Variants in TIMP3 observed in about 807,000 individuals in gnomAD.
TIMP3 encodes TIMP metallopeptidase inhibitor 3.
In TIMP3, 11 loss-of-function variants were observed where a neutral mutation model predicts 30.0. The observed-to-expected ratio is 0.37, with a 90% CI of 0.23 to 0.61. The LOEUF is 0.61. Ranked by LOEUF, TIMP3 falls within the 20% of genes least tolerant of loss-of-function variation. The pLI is 0.70. For synonymous variants in TIMP3, 112 were observed against 111.3 expected (o/e 1.01, Z -0.04); for missense variants, 181 against 276.8 (o/e 0.65, Z 2.45).
At chr22:32,838,916 G>T (rs907416454) in intron 1 of TIMP3, among the ~76,000 whole-genome samples, 1 of 151,768 alleles carries the variant, frequency 6.6e-6, no homozygotes, top group Non-Finnish European at 1.5e-5. Context: ...GCTAGTGAGT[G>T]TCCAAGGAAC....
At chr22:32,855,328 G>GGGCACACACTGTGCCTCTGAAGGA (rs1202937844) in intron 2 of TIMP3, among the ~76,000 whole-genome samples, 4 of 152,184 alleles carry the variant, frequency 2.6e-5, no homozygotes, top group Non-Finnish European at 5.9e-5. Flanking sequence ...CAGTGACTCT[G>GGGCACACACTGTGCCTCTGAAGGA]GGCACACACT....
intron 1 of TIMP3, among the ~76,000 whole-genome samples, chr22:32,844,845 A>G (rs1310607304): frequency 6.6e-6 from 1 of 151,818 alleles, no homozygotes; most frequent in Non-Finnish European, 1.5e-5. Context: ...TGAGTAGCTG[A>G]GACTACAGAT....
chr22:32,833,855 A>G (rs772472204), intron 1 of TIMP3: 4 of 501,034 alleles, frequency 8.0e-6, no homozygotes, highest in Non-Finnish European at 1.6e-5. Flanking sequence ...CTGATCATGC[A>G]TGGAAAGTGC....
At chr22:32,848,440 T>C (rs1400639211) in intron 1 of TIMP3, among the ~76,000 whole-genome samples, 1 of 152,212 alleles carries the variant, frequency 6.6e-6, no homozygotes, top group African/African-American at 2.4e-5. Context: ...TGTTACCTTA[T>C]CTAGATCATG....
intron 2 of TIMP3, among the ~76,000 whole-genome samples, chr22:32,852,264 G>C (rs1435038119): frequency 6.6e-6 from 1 of 152,200 alleles, no homozygotes; most frequent in South Asian, 2.1e-4. Context: ...AGATAATACA[G>C]TATGGAGCAG....
At chr22:32,833,071 A>G (rs189018692) in intron 1 of TIMP3, among the ~76,000 whole-genome samples, 2 of 152,308 alleles carry the variant, frequency 1.3e-5, no homozygotes, top group African/African-American at 4.8e-5. Context: ...CACTAGAAGT[A>G]CTTAAATAGA....
At chr22:32,829,758 G>T (rs2047520969) in intron 1 of TIMP3, among the ~76,000 whole-genome samples, 1 of 152,226 alleles carries the variant, frequency 6.6e-6, no homozygotes, top group Admixed American at 6.5e-5. Context: ...CATCAGTGCT[G>T]GCTTCCCACA....
intron 1 of TIMP3, among the ~76,000 whole-genome samples, chr22:32,827,065 T>C (rs773023890): frequency 8.5e-5 from 13 of 152,190 alleles, no homozygotes; most frequent in Admixed American, 3.3e-4. Context: ...TGCTGATCAT[T>C]GACCTCGCAG....
At chr22:32,809,189 T>C (rs2046844416) in intron 1 of TIMP3, among the ~76,000 whole-genome samples, 1 of 152,248 alleles carries the variant, frequency 6.6e-6, no homozygotes, top group Admixed American at 6.5e-5. Context: ...CCAAATGGCT[T>C]GCCCAAGCTC....
At chr22:32,856,476 C>T (rs2048369914) in intron 2 of TIMP3, among the ~76,000 whole-genome samples, 1 of 152,074 alleles carries the variant, frequency 6.6e-6, no homozygotes, top group African/African-American at 2.4e-5. Flanking sequence ...TCCCTCAGAT[C>T]CAATGTCAGC....
intron 2 of TIMP3, among the ~76,000 whole-genome samples, chr22:32,850,045 C>T (rs2071947): frequency 0.19 from 28,397 of 150,392 alleles, 2,965 homozygotes; most frequent in East Asian, 0.4. Flanking sequence ...AACCTCATCC[C>T]AAGGCAGGAA....
chr22:32,807,385 ATT>A (rs2046786202), intron 1 of TIMP3, among the ~76,000 whole-genome samples: 2 of 104,950 alleles, frequency 1.9e-5, no homozygotes, highest in Admixed American at 1.2e-4. Context: ...TATAATATAT[ATT>A]ATATATAATA....
chr22:32,830,798 C>T (rs2047550780), intron 1 of TIMP3, among the ~76,000 whole-genome samples: 1 of 152,170 alleles, frequency 6.6e-6, no homozygotes, highest in Non-Finnish European at 1.5e-5. Context: ...TTCTCTGTGG[C>T]CCCTGGCTTC....
intron 1 of TIMP3, among the ~76,000 whole-genome samples, chr22:32,810,903 A>G (rs770197302): frequency 1.3e-5 from 2 of 152,204 alleles, no homozygotes; most frequent in African/African-American, 2.4e-5. Flanking sequence ...ATTTGGAAAC[A>G]TGATAGCTCT....
intron 2 of TIMP3, among the ~76,000 whole-genome samples, chr22:32,849,802 A>G (rs1353694476): frequency 2.0e-5 from 3 of 152,172 alleles, no homozygotes; most frequent in Admixed American, 1.3e-4. Flanking sequence ...GCCAGATGGC[A>G]GATAGCCTTG....
intron 1 of TIMP3, among the ~76,000 whole-genome samples, chr22:32,849,180 G>T (rs1225167963): frequency 6.6e-6 from 1 of 152,200 alleles, no homozygotes; most frequent in African/African-American, 2.4e-5. Flanking sequence ...CTCAGGGTCG[G>T]CGGGGGTTGA....
chr22:32,806,885 A>G (rs1490461727), intron 1 of TIMP3, among the ~76,000 whole-genome samples: 1 of 151,896 alleles, frequency 6.6e-6, no homozygotes, highest in Non-Finnish European at 1.5e-5. Flanking sequence ...TTTTCTTCCT[A>G]TACATTTACA....
intron 1 of TIMP3, among the ~76,000 whole-genome samples, chr22:32,834,059 A>G (rs1017655818): frequency 2.6e-5 from 4 of 152,226 alleles, no homozygotes; most frequent in African/African-American, 9.6e-5. Flanking sequence ...GAGCACTGGC[A>G]TATAATGGAA....
intron 1 of TIMP3, among the ~76,000 whole-genome samples, chr22:32,834,977 G>T (rs2047686800): frequency 1.3e-5 from 2 of 152,238 alleles, no homozygotes; most frequent in Admixed American, 1.3e-4. Context: ...GGTCTTTGCA[G>T]TCCTCAGCCA....
Sources: allele counts gnomAD v4.1 joint callset (sites outside exome capture counted in the v4.1 genomes callset), GRCh38; gene constraint gnomAD v4.1.1; transcripts MANE v1.5; gene names NCBI Gene and HGNC (gene_info 2026-07-23, HGNC 2026-07-21).